Variants in HEATR6 observed in about 807,000 individuals in gnomAD.
HEATR6 encodes HEAT repeat containing 6, also known as HEAT repeat-containing protein 6.
In HEATR6, 106 loss-of-function variants were observed where a neutral mutation model predicts 132.8. The observed-to-expected ratio is 0.80, with a 90% CI of 0.68 to 0.94. HEATR6 has a LOEUF of 0.94. Ranked by LOEUF, HEATR6 falls within the 40% of genes least tolerant of loss-of-function variation. HEATR6 has a pLI of 0.00. For missense variants in HEATR6, 1,339 were observed against 1,425.1 expected (o/e 0.94, Z 0.97); for synonymous variants, 529 against 537.8 (o/e 0.98, Z 0.23).
chr17:60,044,451 G>A (rs1906295729), intron 19 of HEATR6, among the ~76,000 whole-genome samples: 1 of 152,072 alleles, frequency 6.6e-6, no homozygotes, highest in Admixed American at 6.5e-5. Flanking sequence ...GTCCCGTTGG[G>A]GTATGGCTTT....
At chr17:60,076,645 G>A (rs1480842457) in intron 1 of HEATR6, 1 of 160,560 alleles carries the variant, frequency 6.2e-6, no homozygotes, top group Non-Finnish European at 1.4e-5. Flanking sequence ...TTAGGTCACA[G>A]TGAGCTATGA....
intron 7 of HEATR6, among the ~76,000 whole-genome samples, chr17:60,068,194 G>A (rs935935648): frequency 3.3e-5 from 5 of 152,128 alleles, no homozygotes; most frequent in Non-Finnish European, 7.3e-5. Flanking sequence ...AAGATACATA[G>A]CTAGTACCAC....
At position 60,043,661 on chromosome 17, in the gene HEATR6, CTG is replaced by C. The variant is rs895721139; in HGVS notation, c.3446_3447del (p.Thr1149SerfsTer18). 1.9e-6 allele frequency: 3 copies of C among 1,614,060 alleles called. No individual in the cohort carries two copies. Among genetic ancestry groups the C allele is most frequent in the African/African-American group, 2.7e-5 (2 of 74,898 alleles). ...MGSIQAPTGDTARRAIMGFLE... is the reference protein window; with the variant it reads ...MGSIQAPTGDXARRAIMGFLE... ...AAAAAGCCCATGATGGCCCTTCTGG[CTG>C]TGTCTCCAGTTGGTGCCTGGATGCT... On this transcript the variant is annotated frameshift_variant, in exon 20 of 20. Coordinates refer to ENST00000184956, the MANE Select transcript of HEATR6 (RefSeq NM_022070.5). LOFTEE classifies it high-confidence loss of function.
At position 60,076,150 on chromosome 17, in the gene HEATR6, G is replaced by T. The variant is rs748130531; in HGVS notation, c.307C>A (p.His103Asn). 1 of 1,604,094 alleles carries T rather than the reference G, an allele frequency of 6.2e-7. No individual in the cohort carries two copies. The highest frequency in any genetic ancestry group is 8.5e-7 in the Non-Finnish European group (1 of 1,172,032). ...ATTACCTGTAATCTGTTAAGTAAAT[G>T]GTGGATAAGCTGGCTCACTTTGCTG... ...LVSKVSQLIH[H>N]LLNRLQVIVD... Residue 103 changes from histidine to asparagine, a missense_variant, in exon 2 of 20, where the codon CAT becomes AAT. Coordinates refer to ENST00000184956, the MANE Select transcript of HEATR6 (RefSeq NM_022070.5).
Position 60,078,702 on chromosome 17 carries a change from G to C in HEATR6, c.213C>G (p.Ala71=). ...AGCAGGGCGCGCCGCCTACCTCCGG[G>C]GCCACGCCACTGCCCTCGCTGTAGT... is the stretch of plus-strand genomic sequence containing the variant. ...SENYSEGSGV[A]PEDVSALLVQ... Residue 71 remains alanine, a synonymous_variant, in exon 1 of 20, where the codon GCC becomes GCG. Transcript: ENST00000184956. 1.9e-6 allele frequency: 3 copies of C among 1,542,114 alleles called. No individual in the cohort carries two copies. The highest frequency in any genetic ancestry group is 1.7e-6 in the Non-Finnish European group (2 of 1,145,080).
Position 60,044,054 on chromosome 17 carries a change from T to C in HEATR6, c.3055A>G (p.Arg1019Gly), listed in dbSNP as rs746699665. The C allele has an allele frequency of 9.9e-6, 16 of 1,614,092 alleles. No homozygotes were observed. The South Asian group carries it at 1.5e-4, about 16-fold the overall frequency. ...GGGACGGAAAGGGCAGCTGCAGATCTGATGCGCACTTTGAAGTTCTTGCAT... is the reference window on the plus strand; with the variant it reads ...GGGACGGAAAGGGCAGCTGCAGATCCGATGCGCACTTTGAAGTTCTTGCAT... ...TSCKNFKVRI[R>G]SAAALSVPGK... Residue 1019 changes from arginine (R) to glycine (G), a missense_variant, in exon 20 of 20, where the codon AGA (arginine) becomes GGA (glycine). By Grantham distance (125) the Arg-to-Gly change is moderately radical. Transcript: ENST00000184956.
chr17:60,078,218 A>T (rs2083306089), intron 1 of HEATR6, among the ~76,000 whole-genome samples: 2 of 152,206 alleles, frequency 1.3e-5, no homozygotes, highest in Non-Finnish European at 2.9e-5. Flanking sequence ...AGTGTGTAGG[A>T]ACAGAAAACA....
At chr17:60,056,058 A>T (rs1906733909) in intron 13 of HEATR6, 57 bp downstream of exon 13, 1 of 1,571,494 alleles carries the variant, frequency 6.4e-7, no homozygotes, top group Non-Finnish European at 8.7e-7. Flanking sequence ...AAGTGAAGAA[A>T]AGGAAGGATA....
intron 13 of HEATR6, among the ~76,000 whole-genome samples, chr17:60,055,914 C>G (rs1206647822): frequency 6.6e-6 from 1 of 152,140 alleles, no homozygotes; most frequent in Non-Finnish European, 1.5e-5. Context: ...GTTACTGAGT[C>G]AATGCGTGGG....
rs2083234546 is a variant in HEATR6, at chr17:60,065,250, T to G, written c.1416+959A>C. ...TGCGTGTATATAAAATTGAGGCTAATTTATTTTTCTTTACCTTGTAAAAGC... is the reference window on the plus strand; with the variant it reads ...TGCGTGTATATAAAATTGAGGCTAAGTTATTTTTCTTTACCTTGTAAAAGC... On this transcript the variant is annotated intron_variant, in intron 9 of 19. Transcript: ENST00000184956. Among the ~76,000 whole-genome samples the G allele has an allele frequency of 2.0e-5, 3 of 152,344 alleles. No individual in the cohort carries two copies. In the South Asian group the frequency reaches 6.2e-4, roughly 32 times the overall value.
intron 15 of HEATR6, 79 bp from the exon 16 acceptor site, chr17:60,049,781 A>T: frequency 6.7e-7 from 1 of 1,500,148 alleles, no homozygotes; most frequent in East Asian, 2.3e-5. Flanking sequence ...GATGTGAAAT[A>T]TCTGTGTCTG....
chr17:60,078,800 C>A lies in HEATR6; in HGVS notation c.115G>T (p.Ala39Ser). The A allele has an allele frequency of 6.3e-7, 1 of 1,597,202 alleles. No individual in the cohort carries two copies. Among genetic ancestry groups the A allele is most frequent in the Non-Finnish European group, 8.5e-7 (1 of 1,172,690 alleles). The change falls in exon 1 of 20, where the codon GCC becomes TCC. Residue 39 changes from alanine to serine, a missense_variant. By Grantham distance (99) the Ala-to-Ser change is moderately conservative (BLOSUM62 1). Coordinates refer to ENST00000184956, the MANE Select transcript of HEATR6 (RefSeq NM_022070.5). ...GFRLLSARLC[A>S]LRPDDSSSAR... Reference sequence around the variant, plus strand: ...GAGCTGCTGTCATCCGGGCGCAGGGCGCAGAGCCTGGCAGACAAGAGGCGA... The same window carrying A: ...GAGCTGCTGTCATCCGGGCGCAGGGAGCAGAGCCTGGCAGACAAGAGGCGA...
chr17:60,043,313 T>C lies in HEATR6; in HGVS notation c.*250A>G. On this transcript the variant is annotated 3_prime_UTR_variant, in exon 20 of 20. Transcript: ENST00000184956. ...CCTCAAAGCCCGTCTGCTTGGCCTG[T>C]ATTACAACCTGACTCCTCGGCTCCT... is the stretch of plus-strand genomic sequence containing the variant. The C allele has an allele frequency of 2.1e-6, 1 of 475,900 alleles. No individual in the cohort carries two copies. The highest frequency in any genetic ancestry group is 3.6e-5 in the East Asian group (1 of 27,646). The allele number at this position is 475,900 out of a possible 1,614,324, so 29.5% of individuals were successfully genotyped here. A position where few individuals can be genotyped will look rare whatever the true frequency, so the allele number is the denominator to read the frequency against.
Position 60,056,255 on chromosome 17 carries a change from A to T in HEATR6, c.2080-18T>A. The T allele has an allele frequency of 6.2e-7, 1 of 1,610,202 alleles. No individual in the cohort carries two copies. The highest frequency in any genetic ancestry group is 8.5e-7 in the Non-Finnish European group (1 of 1,178,220). On this transcript the variant is annotated intron_variant, in intron 12 of 19. Coordinates refer to ENST00000184956, the MANE Select transcript of HEATR6 (RefSeq NM_022070.5). ...GTCAATACCTGCAAAGAGAGCATGG[A>T]ATTAACCCTCTAAGACCTGAGTGCA...
Position 60,044,104 on chromosome 17 carries a change from T to C in HEATR6, c.3005A>G (p.Asn1002Ser), listed in dbSNP as rs757673238. The C allele has an allele frequency of 3.5e-5, 57 of 1,612,868 alleles. No individual in the cohort carries two copies. Among genetic ancestry groups the C allele is most frequent in the Middle Eastern group, 1.6e-4 (1 of 6,078 alleles). ...TGATGTCACGACCGATGTCAGGGCA[T>C]TGTAGGCCTGGGAGGTCCATGGGGC... ...GTAPWTSQAY[N>S]ALTSVVTSCK... is the part of the protein sequence containing the mutation. Residue 1002 changes from asparagine (N) to serine (S), a missense_variant, in exon 20 of 20, where the codon AAT becomes AGT. Transcript: ENST00000184956.
Position 60,044,040 on chromosome 17 carries a change from G to A in HEATR6, c.3069C>T (p.Ala1023=), listed in dbSNP as rs1906280035. The A allele has an allele frequency of 6.2e-7, 1 of 1,614,180 alleles. No homozygotes were observed. Residue 1023 remains alanine (A), a synonymous_variant, in exon 20 of 20, where the codon GCC becomes GCT. Transcript: ENST00000184956. ...NFKVRIRSAA[A]LSVPGKREQY... is the part of the protein sequence containing the mutation. The stretch of plus-strand genomic sequence containing the variant: ...GCTCTCTCTTCCCCGGGACGGAAAG[G>A]GCAGCTGCAGATCTGATGCGCACTT...
At chr17:60,068,093 G>A (rs1286222554) in intron 7 of HEATR6, among the ~76,000 whole-genome samples, 1 of 152,142 alleles carries the variant, frequency 6.6e-6, no homozygotes, top group African/African-American at 2.4e-5. Context: ...CATGTGTTGT[G>A]AAAGTATTCA....
rs139632878 is a variant in HEATR6 at position 60,055,400 on chromosome 17, A to G, written c.2289+115T>C. On this transcript the variant is annotated intron_variant, in intron 14 of 19. Coordinates refer to ENST00000184956, the MANE Select transcript of HEATR6 (RefSeq NM_022070.5). ...TTCATGTTTTCCTGGATTATAAAAC[A>G]TAATTTTTGACACTGGAAGAAACCA... The G allele has an allele frequency of 2.4e-3, 1,480 of 609,238 alleles. 22 individuals are homozygous for G. In the African/African-American group the frequency reaches 0.025, roughly 10 times the overall value. The allele number at this position is 609,238 out of a possible 1,614,324, so 37.7% of individuals were successfully genotyped here.
intron 15 of HEATR6, 24 bp from the exon 16 acceptor site, chr17:60,049,726 G>A: frequency 6.2e-7 from 1 of 1,607,962 alleles, no homozygotes; most frequent in African/African-American, 1.3e-5. Flanking sequence ...GTTGACAAGG[G>A]AAAAATGAGA....
Sources: gnomAD v4.1 joint callset for allele counts (sites outside exome capture counted in the v4.1 genomes callset) on GRCh38, gnomAD v4.1.1 for gene constraint, MANE v1.5 for transcripts, NCBI Gene and HGNC (gene_info 2026-07-23, HGNC 2026-07-21) for gene names.